Variants in LIPM observed in about 807,000 individuals in gnomAD.
LIPM encodes lipase family member M.
Under a neutral mutation model 42.4 loss-of-function variants are expected in LIPM, and 42 were observed. The ratio of observed to expected loss-of-function variants is 0.99; its 90% CI spans 0.77 to 1.28. The LOEUF is 1.28. Ranked by LOEUF, LIPM falls within the 50% of genes most tolerant of loss-of-function variation. LIPM has a pLI of 0.00. For synonymous variants in LIPM, 177 were observed against 173.3 expected (o/e 1.02, Z -0.17); for missense variants, 524 against 520.1 (o/e 1.01, Z -0.07).
Position 88,816,799 on chromosome 10 carries a change from C to T in LIPM, c.859-17C>T. 6.5e-7 allele frequency: 1 copy of T among 1,541,130 alleles called. No homozygotes were observed. The highest frequency in any genetic ancestry group is 1.2e-5 in the South Asian group (1 of 83,866). On this transcript the variant is annotated splice_polypyrimidine_tract_variant and intron_variant, in intron 6 of 8. Transcript: ENST00000404743. ...GAGTTTTTCTATGTCCCCCAGAATA[C>T]TCATGGTTTGTTACAGAGCCGAGCA...
chr10:88,813,382 A>G (rs1168581345), intron 3 of LIPM, 87 bp downstream of exon 3: 16 of 1,142,864 alleles, frequency 1.4e-5, no homozygotes, highest in Non-Finnish European at 1.9e-5. Flanking sequence ...TATTTGGTTG[A>G]TTTATTTTGG....
intron 1 of LIPM, 137 bp downstream of exon 1, chr10:88,803,180 C>T: frequency 1.0e-6 from 1 of 984,966 alleles, no homozygotes. Flanking sequence ...GCAAATTGTA[C>T]TGGAAAGAAT....
At position 88,808,312 on chromosome 10, in the gene LIPM, A is replaced by G. The variant is rs1046218781; in HGVS notation, c.162A>G (p.Gln54=). ...TTTTTCCATAGAGTGAAATCATCCA[A>G]CATCAAGGCTATCCCTGTGAGGAAT... ...EAFMNISEII[Q]HQGYPCEEYE... is the part of the protein sequence containing the mutation. The change falls in exon 2 of 9, where the codon CAA becomes CAG. Residue 54 remains glutamine (Q), a synonymous_variant. Transcript: ENST00000404743. 2 of 1,547,294 alleles carry G rather than the reference A, an allele frequency of 1.3e-6. No individual in the cohort carries two copies. Among genetic ancestry groups the G allele is most frequent in the African/African-American group, 2.7e-5 (2 of 72,936 alleles).
At chr10:88,806,138 T>C (rs572106434) in intron 1 of LIPM, 2 of 356,502 alleles carry the variant, frequency 5.6e-6, no homozygotes, top group South Asian at 2.1e-5. Flanking sequence ...GGACCAGTCC[T>C]TTATTGCCTG....
chr10:88,814,759 CAT>C (rs1843697938), intron 4 of LIPM, 120 bp downstream of exon 4: 1 of 745,034 alleles, frequency 1.3e-6, no homozygotes. Flanking sequence ...TCTTCAGAAT[CAT>C]GTAGTCCCCA....
At chr10:88,808,688 C>G (rs1156355214) in intron 2 of LIPM, among the ~76,000 whole-genome samples, 1 of 152,060 alleles carries the variant, frequency 6.6e-6, no homozygotes, top group African/African-American at 2.4e-5. Flanking sequence ...GCGCTTAACC[C>G]ATTCCCCAAA....
At chr10:88,806,505 A>G (rs1315751475) in intron 1 of LIPM, among the ~76,000 whole-genome samples, 1 of 152,134 alleles carries the variant, frequency 6.6e-6, no homozygotes, top group Non-Finnish European at 1.5e-5. Flanking sequence ...ATAGTTGACA[A>G]CAGTGGTTCC....
At position 88,820,229 on chromosome 10, in the gene LIPM, T is replaced by C; in HGVS notation, c.1003-3T>C. On this transcript the variant is annotated splice_polypyrimidine_tract_variant and splice_region_variant and intron_variant, in intron 8 of 8. Transcript: ENST00000404743. ...AGAGTTAAGAACTATTCCTTTTCTC[T>C]AGCCAACTCCTGTAAGGTACAGAGT... The C allele has an allele frequency of 1.2e-5, 19 of 1,547,072 alleles. No individual in the cohort carries two copies. Among genetic ancestry groups the C allele is most frequent in the Non-Finnish European group, 1.7e-5 (19 of 1,145,298 alleles).
chr10:88,809,892 A>T (rs962095788), intron 2 of LIPM, among the ~76,000 whole-genome samples: 1 of 152,056 alleles, frequency 6.6e-6, no homozygotes, highest in African/African-American at 2.4e-5. Context: ...GTTTCATCAG[A>T]TGTCTATGCA....
At position 88,809,201 on chromosome 10, in the gene LIPM, C is replaced by T. The variant is rs974607614; in HGVS notation, c.265+786C>T. The stretch of plus-strand genomic sequence containing the variant: ...AACTCCCGACCTCAGGTGATCCACC[C>T]GCCTCCACCTCCCAAAGTGCTGGGA... On this transcript the variant is annotated intron_variant, in intron 2 of 8. Transcript: ENST00000404743. Among the ~76,000 whole-genome samples, 69 of 151,972 alleles carry T rather than the reference C, an allele frequency of 4.5e-4. 1 individual carries two copies. The highest frequency in any genetic ancestry group is 1.5e-3 in the African/African-American group (64 of 41,348).
chr10:88,814,569 A>T lies in LIPM; in HGVS notation c.504A>T (p.Ile168=), dbSNP rs1191554996. 1 of 1,551,610 alleles carries T rather than the reference A, an allele frequency of 6.4e-7. No individual in the cohort carries two copies. Among genetic ancestry groups the T allele is most frequent in the African/African-American group, 1.4e-5 (1 of 72,984 alleles). Residue 168 remains isoleucine, a synonymous_variant, in exon 4 of 9, where the codon ATA becomes ATT. Coordinates refer to ENST00000404743, the MANE Select transcript of LIPM (RefSeq NM_001128215.1). ...EMARFDLPAV[I]NFILQKTGQE... ...CTAGGTTTGACCTTCCTGCAGTGATAAACTTTATTTTGCAGAAAACGGGCC... is the reference window on the plus strand; with the variant it reads ...CTAGGTTTGACCTTCCTGCAGTGATTAACTTTATTTTGCAGAAAACGGGCC...
Position 88,820,280 on chromosome 10 carries a change from A to G in LIPM, c.1051A>G (p.Met351Val). ...RVRDMTVPTA[M>V]WTGGQDWLSN... The stretch of plus-strand genomic sequence containing the variant: ...CAGAGATATGACGGTCCCTACAGCA[A>G]TGTGGACAGGAGGTCAGGACTGGCT... Residue 351 changes from methionine to valine, a missense_variant, in exon 9 of 9, where the codon ATG becomes GTG. Transcript: ENST00000404743. 4 of 1,551,988 alleles carry G rather than the reference A, an allele frequency of 2.6e-6. No homozygotes were observed. Among genetic ancestry groups the G allele is most frequent in the African/African-American group, 1.4e-5 (1 of 73,174 alleles).
In LIPM at chr10:88,803,008, A is replaced by G. The variant is rs1373700038; in HGVS notation, c.112A>G (p.Thr38Ala). 9.7e-6 allele frequency: 15 copies of G among 1,551,172 alleles called. No homozygotes were observed. The highest frequency in any genetic ancestry group is 1.3e-5 in the Non-Finnish European group (15 of 1,146,714). ...QRNVNSVHMP[T>A]KAVDPEAFMN... The stretch of plus-strand genomic sequence containing the variant: ...AAATGTGAATTCAGTACATATGCCA[A>G]CTAAAGCTGTGGACCCAGAAGCATT... Residue 38 changes from threonine (T) to alanine (A), a missense_variant, in exon 1 of 9, where the codon ACT becomes GCT. Thr to Ala is a moderately conservative substitution (Grantham distance 58). Transcript: ENST00000404743.
intron 5 of LIPM, 62 bp from the exon 6 acceptor site, chr10:88,815,295 C>T (rs1843705338): frequency 6.5e-7 from 1 of 1,547,194 alleles, no homozygotes; most frequent in Admixed American, 2.0e-5. Context: ...AAAACATAAA[C>T]TTTTAAATTA....
At chr10:88,819,209 T>A (rs186687550) in intron 8 of LIPM, among the ~76,000 whole-genome samples, 1 of 151,996 alleles carries the variant, frequency 6.6e-6, no homozygotes, top group African/African-American at 2.4e-5. Context: ...CTTTAATTTA[T>A]CAACATTTAA....
intron 2 of LIPM, among the ~76,000 whole-genome samples, chr10:88,812,226 A>G (rs1012245883): frequency 6.6e-6 from 1 of 152,214 alleles, no homozygotes; most frequent in Non-Finnish European, 1.5e-5. Context: ...GGTTCATCAT[A>G]TTATGAAGCA....
At chr10:88,814,344 T>G (rs192958482) in intron 3 of LIPM, among the ~76,000 whole-genome samples, 186 bp from the exon 4 acceptor site, 1 of 152,186 alleles carries the variant, frequency 6.6e-6, no homozygotes, top group Non-Finnish European at 1.5e-5. Flanking sequence ...GCTGACAGCC[T>G]GTGACTCCAG....
intron 7 of LIPM, among the ~76,000 whole-genome samples, chr10:88,817,098 C>T (rs781028385): frequency 4.6e-5 from 7 of 152,198 alleles, no homozygotes; most frequent in Admixed American, 1.3e-4. Context: ...AGCCTAAGAA[C>T]TTCTTTAGAT....
At position 88,814,612 on chromosome 10, in the gene LIPM, G is replaced by A; in HGVS notation, c.547G>A (p.Val183Ile). ...QKTGQEKIYY[V>I]GYSQGTTMGF... ...AACGGGCCAGGAAAAGATCTATTAT[G>A]TCGGCTATTCACAGGGCACCACCAT... The change falls in exon 4 of 9, where the codon GTC (valine) becomes ATC (isoleucine). Residue 183 changes from valine to isoleucine, a missense_variant. Transcript: ENST00000404743. 1 of 1,551,932 alleles carries A rather than the reference G, an allele frequency of 6.4e-7. No individual in the cohort carries two copies. Among genetic ancestry groups the A allele is most frequent in the Non-Finnish European group, 8.7e-7 (1 of 1,146,960 alleles).
Sources: gnomAD v4.1 joint callset for allele counts (sites outside exome capture counted in the v4.1 genomes callset) on GRCh38, gnomAD v4.1.1 for gene constraint, MANE v1.5 for transcripts, NCBI Gene and HGNC (gene_info 2026-07-23, HGNC 2026-07-21) for gene names.